TGFBI: variants seen among roughly 807,000 people sequenced by gnomAD.
TGFBI encodes transforming growth factor beta induced.
Under a neutral mutation model 73.7 loss-of-function variants are expected in TGFBI, and 50 were observed. The ratio of observed to expected loss-of-function variants is 0.68; its 90% CI spans 0.54 to 0.86. The LOEUF (loss-of-function observed/expected upper bound fraction) is 0.86. TGFBI is among the 40% of genes least tolerant of loss of function. The pLI is 0.00. For missense variants in TGFBI, 839 were observed against 877.0 expected, an observed-to-expected ratio of 0.96 and a Z score of 0.55; for synonymous variants, 362 against 360.5, an observed-to-expected ratio of 1.00 and a Z score of -0.05.
intron 6 of TGFBI, chr5:136,049,073 A>G (rs1751486081): frequency 4.8e-6 from 1 of 207,302 alleles, no homozygotes; most frequent in East Asian, 1.2e-4. Context: ...TCTGGCGGTG[A>G]GATGGGGTGG....
At position 136,049,522 on chromosome 5, in the gene TGFBI, C is replaced by T. The variant is rs774441421; in HGVS notation, c.855C>T (p.Phe285=). The part of the protein sequence containing the change: ...YTLLAPTNEA[F]EKIPSETLNR... ...TTTTGGCCCCGACCAATGAGGCCTT[C>T]GAGAAGATCCCTAGTGAGACTTTGA... The change falls in exon 7 of 17, where the codon TTC becomes TTT. Residue 285 remains phenylalanine, a synonymous_variant. Coordinates refer to ENST00000442011, the MANE Select transcript of TGFBI (RefSeq NM_000358.3). 1.8e-5 allele frequency: 29 copies of T among 1,613,822 alleles called. No individual in the cohort carries two copies. Among genetic ancestry groups the T allele is most frequent in the African/African-American group, 1.2e-4 (9 of 74,910 alleles).
At chr5:136,039,451 A>G (rs964642174) in intron 2 of TGFBI, among the ~76,000 whole-genome samples, 1 of 152,166 alleles carries the variant, frequency 6.6e-6, no homozygotes, top group Admixed American at 6.5e-5. Context: ...AAACTGCCCC[A>G]GGTCTCTGTC....
At chr5:136,037,163 A>G (rs1751241197) in intron 2 of TGFBI, among the ~76,000 whole-genome samples, 1 of 152,234 alleles carries the variant, frequency 6.6e-6, no homozygotes, top group African/African-American at 2.4e-5. Context: ...GCAATGCGTC[A>G]AGCTGACATA....
At chr5:136,055,368 G>T (rs755823801) in intron 10 of TGFBI, 3 of 265,410 alleles carry the variant, frequency 1.1e-5, no homozygotes, top group Non-Finnish European at 2.1e-5. Flanking sequence ...GTTAAACAAA[G>T]AAATAAATAA....
chr5:136,049,177 A>G (rs1007516187), intron 6 of TGFBI: 2 of 429,688 alleles, frequency 4.7e-6, no homozygotes, highest in Non-Finnish European at 8.4e-6. Context: ...AGCAGAGAGG[A>G]CAGCAGGGAC....
At chr5:136,059,262 G>T in intron 13 of TGFBI, 48 bp downstream of exon 13, 1 of 1,596,400 alleles carries the variant, frequency 6.3e-7, no homozygotes. Context: ...CCAGGGCAGG[G>T]CTCCAGGACA....
intron 7 of TGFBI, 103 bp from the exon 8 acceptor site, chr5:136,052,804 C>A: frequency 8.8e-7 from 1 of 1,142,286 alleles, no homozygotes; most frequent in Non-Finnish European, 1.3e-6. Flanking sequence ...TGAGGGTCCT[C>A]ATCTGAGAGA....
At chr5:136,046,284 T>C in intron 3 of TGFBI, 51 bp from the exon 4 acceptor site, 11 of 1,606,306 alleles carry the variant, frequency 6.8e-6, no homozygotes, top group South Asian at 1.1e-5. Flanking sequence ...GAGGGTGTGG[T>C]TGGGCTGGAC....
intron 7 of TGFBI, among the ~76,000 whole-genome samples, chr5:136,050,471 G>A (rs190526291): frequency 2.6e-5 from 4 of 152,300 alleles, no homozygotes; most frequent in East Asian, 1.9e-4. Flanking sequence ...AGGAGCTAAC[G>A]TGTTTTCACA....
At chr5:136,057,740 G>A (rs1262090816) in intron 12 of TGFBI, among the ~76,000 whole-genome samples, 12 of 152,176 alleles carry the variant, frequency 7.9e-5, no homozygotes, top group African/African-American at 2.9e-4. Context: ...CTCTAGAGCA[G>A]AATAGAAAGT....
At chr5:136,029,300 A>AT in intron 1 of TGFBI, 111 bp downstream of exon 1, 1 of 1,256,932 alleles carries the variant, frequency 8.0e-7, no homozygotes, top group Non-Finnish European at 1.0e-6. Context: ...CAAAGCCCGA[A>AT]CTAAAAACCT....
At chr5:136,042,075 G>T (rs1470776518) in intron 2 of TGFBI, among the ~76,000 whole-genome samples, 1 of 152,198 alleles carries the variant, frequency 6.6e-6, no homozygotes, top group Non-Finnish European at 1.5e-5. Context: ...CTTTAGGAAA[G>T]AAACTAAGTT....
intron 6 of TGFBI, chr5:136,047,668 G>A (rs2073508): frequency 0.19 from 96,429 of 496,484 alleles, 9,881 homozygotes; most frequent in African/African-American, 0.26. Context: ...GGTCAGTGGT[G>A]TGTGGCTGCA....
intron 1 of TGFBI, among the ~76,000 whole-genome samples, chr5:136,029,634 A>G (rs1425630663): frequency 6.6e-6 from 1 of 152,178 alleles, no homozygotes; most frequent in Non-Finnish European, 1.5e-5. Context: ...AACCTGGGCC[A>G]CACACGGTGG....
chr5:136,054,531 T>A lies in TGFBI; in HGVS notation c.1265-185T>A, dbSNP rs1040520316. The A allele has an allele frequency of 3.3e-6, 3 of 907,596 alleles. No individual in the cohort carries two copies. In the African/African-American group the frequency reaches 4.9e-5, roughly 15 times the overall value. The allele number at this position is 907,596 out of a possible 1,614,324, so 56.2% of individuals were successfully genotyped here. Reference sequence around the variant, plus strand: ...AAAACTCCAAACACCCTTGATTATCTGGATCTTCTTTAATTCTCCATAGAA... The same window carrying A: ...AAAACTCCAAACACCCTTGATTATCAGGATCTTCTTTAATTCTCCATAGAA... On this transcript the variant is annotated intron_variant, in intron 9 of 16. Transcript: ENST00000442011.
intron 7 of TGFBI, among the ~76,000 whole-genome samples, chr5:136,050,652 A>T (rs560905842): frequency 6.6e-6 from 1 of 152,190 alleles, no homozygotes; most frequent in Non-Finnish European, 1.5e-5. Context: ...CCTCTCAAAC[A>T]TATTCCAGGA....
chr5:136,051,826 C>T (rs45594639), intron 7 of TGFBI, among the ~76,000 whole-genome samples: 8 of 152,366 alleles, frequency 5.3e-5, no homozygotes, highest in East Asian at 3.9e-4. Context: ...TTCCCATAGG[C>T]CTTCTCACCC....
At position 136,061,596 on chromosome 5, in the gene TGFBI, G is replaced by T; in HGVS notation, c.1986+17G>T. 6.2e-7 allele frequency: 1 copy of T among 1,611,070 alleles called. No homozygotes were observed. Among genetic ancestry groups the T allele is most frequent in the Non-Finnish European group, 8.5e-7 (1 of 1,177,592 alleles). ...TTTTCCAGGGTAAGATGCCTGCTAG[G>T]TTTGCGCCTAGCCTGAGCAGCCTCA... On this transcript the variant is annotated intron_variant, in intron 15 of 16. Coordinates refer to ENST00000442011, the MANE Select transcript of TGFBI (RefSeq NM_000358.3).
In TGFBI at chr5:136,060,864, C is replaced by T. The variant is rs2126917671; in HGVS notation, c.1834C>T (p.Pro612Ser). The T allele has an allele frequency of 6.2e-7, 1 of 1,601,710 alleles. No individual in the cohort carries two copies. The highest frequency in any genetic ancestry group is 1.1e-5 in the South Asian group (1 of 89,462). Residue 612 changes from proline to serine, a missense_variant, in exon 14 of 17, where the codon CCT (proline) becomes TCT (serine). Physicochemically the swap from Pro to Ser is moderately conservative, Grantham distance 74. Transcript: ENST00000442011. ...KNNVVSVNKE[P>S]VAEPDIMATN... The stretch of plus-strand genomic sequence containing the variant: ...CAATGTGGTGAGTGTCAACAAGGAG[C>T]CTGTTGCCGAGCCTGACATCATGGC...
Sources: gnomAD v4.1 joint callset for allele counts (sites outside exome capture counted in the v4.1 genomes callset) on GRCh38, gnomAD v4.1.1 for gene constraint, MANE v1.5 for transcripts, NCBI Gene and HGNC (gene_info 2026-07-23, HGNC 2026-07-21) for gene names.